DMD: variants seen among roughly 807,000 people sequenced by gnomAD.
DMD encodes dystrophin, also known as mutant dystrophin.
A neutral mutation model predicts 330.1 loss-of-function variants in DMD; 63 were observed. The ratio of observed to expected loss-of-function variants is 0.19; its 90% CI spans 0.16 to 0.24. The LOEUF is 0.24. Ranked by LOEUF, DMD falls within the 10% of genes least tolerant of loss-of-function variation. The pLI is 1.00. For synonymous variants in DMD, 1,223 were observed against 959.8 expected (o/e 1.27, Z -5.07); for missense variants, 3,344 against 2,684.1 (o/e 1.25, Z -5.43).
intron 54 of DMD, among the ~76,000 whole-genome samples, chrX:31,629,615 G>A (rs764585759): frequency 8.0e-5 from 9 of 111,834 alleles, no homozygotes; most frequent in African/African-American, 2.9e-4. Context: ...CCGGCTCCCT[G>A]CTTATCTAGT....
At chrX:31,895,433 T>C (rs768791031) in intron 47 of DMD, among the ~76,000 whole-genome samples, 2 of 111,826 alleles carry the variant, frequency 1.8e-5, no homozygotes, top group South Asian at 3.7e-4. Flanking sequence ...TTTTTTGTTG[T>C]AGTATTTGGG....
intron 2 of DMD, among the ~76,000 whole-genome samples, chrX:32,879,021 A>AAAAAAAAAAAAAAAAAAAAAAAAAAAAC (rs1352069437): frequency 2.2e-4 from 22 of 101,742 alleles, no homozygotes; most frequent in Non-Finnish European, 3.1e-4. Context: ...AAAAAAACAA[A>AAAAAAAAAAAAAAAAAAAAAAAAAAAAC]AAACAAAAAA....
At chrX:33,146,621 C>A (rs967715956) in intron 1 of DMD, among the ~76,000 whole-genome samples, 2 of 110,436 alleles carry the variant, frequency 1.8e-5, no homozygotes, top group Non-Finnish European at 3.8e-5. Context: ...TCGGGCTTTT[C>A]AGTCTTCCTG....
At chrX:31,948,383 C>T (rs2095116191) in intron 45 of DMD, among the ~76,000 whole-genome samples, 1 of 111,142 alleles carries the variant, frequency 9.0e-6, no homozygotes, top group African/African-American at 3.3e-5. Flanking sequence ...GGATATATAC[C>T]CAGGAGTGAG....
chrX:32,399,695 C>G (rs2098072276), intron 30 of DMD, among the ~76,000 whole-genome samples: 1 of 111,285 alleles, frequency 9.0e-6, no homozygotes, highest in Admixed American at 9.5e-5. Flanking sequence ...AAACTGTAAA[C>G]AGAGCTACCA....
chrX:32,675,294 T>A (rs764692424), intron 9 of DMD, among the ~76,000 whole-genome samples: 2 of 110,930 alleles, frequency 1.8e-5, no homozygotes, highest in Non-Finnish European at 3.8e-5. Context: ...TTTAAAACAT[T>A]TCTCTCCAAT....
At chrX:32,805,838 T>A (rs1471420693) in intron 7 of DMD, among the ~76,000 whole-genome samples, 1 of 111,864 alleles carries the variant, frequency 8.9e-6, no homozygotes, top group East Asian at 2.8e-4. Flanking sequence ...AAACTAAGCT[T>A]CATAAGCGAA....
At chrX:32,984,550 C>T (rs186833095) in intron 2 of DMD, among the ~76,000 whole-genome samples, 62 of 111,758 alleles carry the variant, frequency 5.5e-4, no homozygotes, top group African/African-American at 1.9e-3. Flanking sequence ...CCACCGTGCC[C>T]GGCCCACCTC....
intron 7 of DMD, among the ~76,000 whole-genome samples, chrX:32,804,404 T>C (rs912379786): frequency 8.9e-6 from 1 of 112,515 alleles, no homozygotes; most frequent in Admixed American, 9.4e-5. Flanking sequence ...AAAGCCACTG[T>C]AGCCAGACTG....
intron 7 of DMD, among the ~76,000 whole-genome samples, chrX:32,730,072 T>C (rs989060880): frequency 8.9e-6 from 1 of 112,133 alleles, no homozygotes; most frequent in African/African-American, 3.2e-5. Flanking sequence ...ATGGTTCACA[T>C]TCCTAATCTC....
At chrX:31,228,162 C>T (rs1338060991) in intron 63 of DMD, among the ~76,000 whole-genome samples, 2 of 104,591 alleles carry the variant, frequency 1.9e-5, no homozygotes, top group Admixed American at 1.0e-4. Context: ...TGCTAGATGA[C>T]GAGTTAGTGG....
chrX:31,264,015 C>T (rs966250729), intron 62 of DMD, among the ~76,000 whole-genome samples: 2 of 112,255 alleles, frequency 1.8e-5, no homozygotes, highest in Non-Finnish European at 3.8e-5. Flanking sequence ...ACATTTAACC[C>T]TCCAAAATAG....
chrX:32,226,010 C>T (rs1223198496), intron 43 of DMD, among the ~76,000 whole-genome samples: 1 of 111,908 alleles, frequency 8.9e-6, no homozygotes, highest in Non-Finnish European at 1.9e-5. Flanking sequence ...TTCTCGACTT[C>T]TTTCTTATCA....
intron 49 of DMD, among the ~76,000 whole-genome samples, chrX:31,820,877 A>G (rs977255033): frequency 8.9e-6 from 1 of 111,861 alleles, no homozygotes; most frequent in Non-Finnish European, 1.9e-5. Context: ...GTGTTTGCCA[A>G]TTTCTGTGGT....
At chrX:32,835,244 A>G (rs2079514251) in intron 4 of DMD, among the ~76,000 whole-genome samples, 1 of 112,072 alleles carries the variant, frequency 8.9e-6, no homozygotes. Flanking sequence ...GGGACAGGGC[A>G]AAGAAATAAT....
At chrX:32,459,633 C>A (rs998377751) in intron 25 of DMD, among the ~76,000 whole-genome samples, 5 of 110,985 alleles carry the variant, frequency 4.5e-5, no homozygotes, top group African/African-American at 1.6e-4. Flanking sequence ...TCTTAGTACC[C>A]ACTCTTTCTT....
intron 2 of DMD, among the ~76,000 whole-genome samples, chrX:32,881,639 T>C (rs970301694): frequency 1.8e-5 from 2 of 112,085 alleles, no homozygotes; most frequent in Non-Finnish European, 3.8e-5. Flanking sequence ...GTAAGAAAAA[T>C]TATGCTTTAA....
chrX:31,635,368 C>A (rs773903767), intron 54 of DMD, among the ~76,000 whole-genome samples: 1 of 111,636 alleles, frequency 9.0e-6, no homozygotes, highest in South Asian at 3.7e-4. Context: ...GTATAAAAAC[C>A]AATTTAAAAG....
rs757349113 is a variant in DMD at position 32,772,148 on chromosome X, T to G, written c.649+37345A>C. Among the ~76,000 whole-genome samples the G allele has an allele frequency of 2.3e-3, 259 of 112,611 alleles. 1 individual carries two copies. The highest frequency in any genetic ancestry group is 8.0e-3 in the African/African-American group (248 of 31,009). On this transcript the variant is annotated intron_variant, in intron 7 of 78. Coordinates refer to ENST00000357033, the MANE Select transcript of DMD (RefSeq NM_004006.3). ...ACTAGCTATTTCCTAAAGCAGATAC[T>G]GCTGTAAAAGTTTCTGATTTCTCCC...
Sources: gnomAD v4.1 joint callset for allele counts (sites outside exome capture counted in the v4.1 genomes callset) on GRCh38, gnomAD v4.1.1 for gene constraint, MANE v1.5 for transcripts, NCBI Gene and HGNC (gene_info 2026-07-23, HGNC 2026-07-21) for gene names.